Variants in PRELID2 observed in about 807,000 individuals in gnomAD.
PRELID2 encodes the protein PRELI domain containing 2.
A neutral mutation model predicts 28.4 loss-of-function variants in PRELID2; 25 were observed. The ratio of observed to expected loss-of-function variants is 0.88; its 90% CI spans 0.64 to 1.23. PRELID2 has a LOEUF of 1.23. PRELID2 is among the 50% of genes most tolerant of loss of function. PRELID2 has a pLI of 0.00. For missense variants in PRELID2, 201 were observed against 214.4 expected, an observed-to-expected ratio of 0.94 and a Z score of 0.39; for synonymous variants, 76 against 71.6, an observed-to-expected ratio of 1.06 and a Z score of -0.31.
chr5:145,367,069 T>C, the PRELID2 span, among the ~76,000 whole-genome samples: 1 of 151,896 alleles, frequency 6.6e-6, no homozygotes, highest in Non-Finnish European at 1.5e-5. Context: ...TAGCTTCTTC[T>C]TACCTCAAAG....
the PRELID2 span, among the ~76,000 whole-genome samples, chr5:145,421,447 C>T: frequency 6.7e-6 from 1 of 150,196 alleles, no homozygotes; most frequent in South Asian, 2.1e-4. Flanking sequence ...CAACTTCTTC[C>T]TGGTTTAGTC....
intron 1 of PRELID2, among the ~76,000 whole-genome samples, chr5:145,491,342 C>A (rs1284580699): frequency 6.6e-6 from 1 of 152,060 alleles, no homozygotes; most frequent in Non-Finnish European, 1.5e-5. Flanking sequence ...TATATCAGGG[C>A]ACTAGTCCCA....
intron 1 of PRELID2, chr5:145,728,374 CTT>C: frequency 2.4e-6 from 1 of 411,736 alleles, no homozygotes. Flanking sequence ...TCCTGGAAAC[CTT>C]TTTTATGGCC....
In PRELID2 at chr5:145,768,624, C is replaced by A. The variant is rs192845431; in HGVS notation, c.475-3624G>T. Among the ~76,000 whole-genome samples the A allele has an allele frequency of 1.4e-4, 21 of 152,234 alleles. No individual in the cohort carries two copies. In the South Asian group the frequency reaches 2.9e-3, roughly 21 times the overall value. On this transcript the variant is annotated intron_variant, in intron 5 of 6. Transcript: ENST00000683046. ...TTACAGAGTAGAGCATAAATCCAGA[C>A]GGTATGACTTTAAAATAAGAAAAGC...
At chr5:145,693,428 A>G (rs1020741223) in intron 1 of PRELID2, among the ~76,000 whole-genome samples, 1 of 151,964 alleles carries the variant, frequency 6.6e-6, no homozygotes, top group Admixed American at 6.6e-5. Flanking sequence ...GATTGCAAGC[A>G]TGAGCCACTG....
chr5:145,805,163 A>G (rs949663121), intron 4 of PRELID2, among the ~76,000 whole-genome samples: 4 of 152,222 alleles, frequency 2.6e-5, no homozygotes, highest in African/African-American at 9.6e-5. Context: ...AATGCAATAT[A>G]GTTTTGACAC....
At chr5:145,752,055 A>C (rs1757137117), downstream of PRELID2, among the ~76,000 whole-genome samples, 2 of 152,248 alleles carry the variant, frequency 1.3e-5, no homozygotes, top group African/African-American at 4.8e-5. Flanking sequence ...GCAGATCCCT[A>C]AGAGAACAAA....
intron 1 of PRELID2, among the ~76,000 whole-genome samples, chr5:145,670,706 C>G (rs1754688588): frequency 6.6e-6 from 1 of 152,166 alleles, no homozygotes; most frequent in Non-Finnish European, 1.5e-5. Context: ...CCAACCTCCT[C>G]ACTCCCAATC....
At chr5:145,706,120 G>C (rs1181463689) in intron 1 of PRELID2, among the ~76,000 whole-genome samples, 1 of 152,176 alleles carries the variant, frequency 6.6e-6, no homozygotes, top group African/African-American at 2.4e-5. Flanking sequence ...AAAAGGTTAA[G>C]TCATAAAGTG....
chr5:145,820,708 C>T (rs868168704), intron 2 of PRELID2, among the ~76,000 whole-genome samples: 48 of 152,184 alleles, frequency 3.2e-4, no homozygotes, highest in Middle Eastern at 3.4e-3. Flanking sequence ...AGAAGGAATT[C>T]GACTGAGGGG....
intron 1 of PRELID2, among the ~76,000 whole-genome samples, chr5:145,475,695 T>C (rs1030216748): frequency 2.0e-5 from 3 of 152,214 alleles, no homozygotes; most frequent in African/African-American, 7.2e-5. Context: ...TTGAAAAGAA[T>C]AGTATTAGCC....
intron 5 of PRELID2, among the ~76,000 whole-genome samples, chr5:145,768,227 A>G (rs1216816945): frequency 6.8e-6 from 1 of 147,306 alleles, no homozygotes; most frequent in Non-Finnish European, 1.5e-5. Flanking sequence ...CTGTCTCAAA[A>G]AAAAAAAAAA....
rs142247385 is a variant in PRELID2, at chr5:145,779,737, C to T, written c.475-14737G>A. Among the ~76,000 whole-genome samples the T allele has an allele frequency of 3.6e-3, 551 of 152,152 alleles. 1 individual carries two copies. The highest frequency in any genetic ancestry group is 6.2e-3 in the Non-Finnish European group (419 of 67,992). On this transcript the variant is annotated intron_variant, in intron 5 of 6. Transcript: ENST00000683046. ...ATACTATCTCCTTCACTCTCATACT[C>T]ATAAGATATATAGTATTATTCATAT... is the stretch of plus-strand genomic sequence containing the variant.
the PRELID2 span, among the ~76,000 whole-genome samples, chr5:145,267,409 C>T: frequency 5.3e-5 from 8 of 152,130 alleles, no homozygotes; most frequent in African/African-American, 1.9e-4. Flanking sequence ...TCAGTATTAA[C>T]CATCACACTG....
intron 1 of PRELID2, among the ~76,000 whole-genome samples, chr5:145,526,838 G>A (rs1273167613): frequency 2.0e-5 from 3 of 152,140 alleles, no homozygotes; most frequent in Non-Finnish European, 4.4e-5. Flanking sequence ...TGAAAAATAA[G>A]ATTTTCTCTT....
chr5:145,556,465 A>C (rs1277682750), intron 1 of PRELID2, among the ~76,000 whole-genome samples: 2 of 152,072 alleles, frequency 1.3e-5, no homozygotes, highest in South Asian at 4.1e-4. Flanking sequence ...AGTGCTATTT[A>C]TTTCTTTCCA....
At position 145,827,950 on chromosome 5, in the gene PRELID2, T is replaced by TA. The variant is rs147345789; in HGVS notation, c.76-4817dup. Reference sequence around the variant, plus strand: ...TGTATCAGTGTTAATTTCCTGGTTTTAAAAAGTATACTGTGGTTTGGGGAA... The same window carrying TA: ...TGTATCAGTGTTAATTTCCTGGTTTTAAAAAAGTATACTGTGGTTTGGGGAA... On this transcript the variant is annotated intron_variant, in intron 1 of 6. Coordinates refer to ENST00000683046, the MANE Select transcript of PRELID2 (RefSeq NM_205846.3). 5.5e-3 allele frequency among the ~76,000 whole-genome samples: 845 copies of TA among 152,356 alleles called. 7 individuals carry two copies. Among genetic ancestry groups the TA allele is most frequent in the Admixed American group, 9.9e-3 (152 of 15,302 alleles).
At chr5:145,393,903 G>T in the PRELID2 span, among the ~76,000 whole-genome samples, 1 of 152,158 alleles carries the variant, frequency 6.6e-6, no homozygotes, top group Non-Finnish European at 1.5e-5. Flanking sequence ...AACATTTGCA[G>T]ACATACATTA....
chr5:145,366,381 A>G, the PRELID2 span, among the ~76,000 whole-genome samples: 1 of 151,892 alleles, frequency 6.6e-6, no homozygotes, highest in African/African-American at 2.4e-5. Context: ...ACTTGGAAAC[A>G]TTTGAATGAA....
Sources: gnomAD v4.1 joint callset for allele counts (sites outside exome capture counted in the v4.1 genomes callset) on GRCh38, gnomAD v4.1.1 for gene constraint, MANE v1.5 for transcripts, NCBI Gene and HGNC (gene_info 2026-07-23, HGNC 2026-07-21) for gene names.